The following MATR3 variants were observed in gnomAD, a reference collection of about 807,000 sequenced individuals.
MATR3 encodes the protein matrin-3.
MATR3 carries 4 observed loss-of-function variants against 85.5 expected under a neutral mutation model. That is an observed-to-expected ratio of 0.05 (90% CI 0.02 to 0.11). The LOEUF (loss-of-function observed/expected upper bound fraction) is 0.11. Among genes scored for constraint, MATR3 ranks in the 10% least tolerant of loss-of-function variants. The pLI is 1.00. For synonymous variants in MATR3, 336 were observed against 343.1 expected, an observed-to-expected ratio of 0.98 and a Z score of 0.23; for missense variants, 685 against 1,016.1, an observed-to-expected ratio of 0.67 and a Z score of 4.43.
intron 14 of MATR3, 101 bp from the exon 15 acceptor site, chr5:139,329,244 A>G: frequency 1.2e-6 from 1 of 824,326 alleles, no homozygotes; most frequent in South Asian, 1.4e-5. Context: ...ATTATAGTTT[A>G]AGTCCCTAAA....
chr5:139,294,043 A>G (rs1395046571), intron 1 of MATR3: 8 of 1,245,346 alleles, frequency 6.4e-6, no homozygotes, highest in Admixed American at 7.7e-5. Context: ...GCGGTCCGGG[A>G]GGGAAACACG....
intron 5 of MATR3, 129 bp downstream of exon 5, chr5:139,316,317 C>T (rs1755240231): frequency 2.9e-6 from 2 of 697,820 alleles, no homozygotes; most frequent in South Asian, 3.2e-5. Flanking sequence ...ACGATCTCGA[C>T]TCACTGCAAC....
chr5:139,323,913 A>G (rs1028817553), intron 12 of MATR3, among the ~76,000 whole-genome samples: 1 of 152,096 alleles, frequency 6.6e-6, no homozygotes, highest in Non-Finnish European at 1.5e-5. Flanking sequence ...AGTAGAGCGA[A>G]ATGAGATTTT....
intron 2 of MATR3, among the ~76,000 whole-genome samples, chr5:139,276,856 T>C (rs555188338): frequency 2.0e-5 from 3 of 152,258 alleles, no homozygotes; most frequent in African/African-American, 4.8e-5. Context: ...TAGGGAAACA[T>C]TGATGGTAAT....
intron 2 of MATR3, chr5:139,310,366 T>A (rs2151966786): frequency 6.6e-6 from 1 of 152,332 alleles, no homozygotes; most frequent in Non-Finnish European, 1.5e-5. Flanking sequence ...ATGTGTAAAT[T>A]GGACCAACTT....
chr5:139,319,888 T>TTTTA (rs1425336363), intron 9 of MATR3, among the ~76,000 whole-genome samples: 2 of 106,380 alleles, frequency 1.9e-5, no homozygotes, highest in African/African-American at 4.6e-5. Context: ...TTTTTTTTTT[T>TTTTA]AAAGTATATC....
At chr5:139,316,872 T>G (rs536095360) in intron 5 of MATR3, among the ~76,000 whole-genome samples, 181 bp from the exon 6 acceptor site, 1 of 152,254 alleles carries the variant, frequency 6.6e-6, no homozygotes, top group African/African-American at 2.4e-5. Flanking sequence ...AGGCAATGAT[T>G]ATAGGTGAAA....
chr5:139,276,677 A>G (rs1200533965), intron 2 of MATR3, among the ~76,000 whole-genome samples: 3 of 152,158 alleles, frequency 2.0e-5, no homozygotes, highest in Non-Finnish European at 4.4e-5. Flanking sequence ...GGGGGTTGGT[A>G]AAAATAGACG....
chr5:139,303,591 G>A (rs541194008), intron 1 of MATR3, among the ~76,000 whole-genome samples: 61 of 152,162 alleles, frequency 4.0e-4, no homozygotes, highest in Middle Eastern at 3.4e-3. Flanking sequence ...AAAACTAGCC[G>A]AGCATGGTGG....
intron 3 of MATR3, among the ~76,000 whole-genome samples, chr5:139,288,062 A>G (rs1001322305): frequency 5.3e-5 from 8 of 151,940 alleles, no homozygotes; most frequent in African/African-American, 1.9e-4. Context: ...AATACCAAAA[A>G]AAAATTAGCT....
At chr5:139,295,437 C>T (rs1754095483) in intron 1 of MATR3, among the ~76,000 whole-genome samples, 1 of 152,194 alleles carries the variant, frequency 6.6e-6, no homozygotes, top group Admixed American at 6.5e-5. Flanking sequence ...TCTTCCTTTG[C>T]ACTTAACAGT....
chr5:139,311,544 C>T (rs146420565), intron 2 of MATR3: 245 of 152,144 alleles, frequency 1.6e-3, no homozygotes, highest in African/African-American at 5.6e-3. Flanking sequence ...CACACTTTTC[C>T]CCTAAGTTTG....
chr5:139,328,445 T>C (rs896891912), intron 14 of MATR3, among the ~76,000 whole-genome samples: 16 of 152,188 alleles, frequency 1.1e-4, no homozygotes, highest in African/African-American at 3.9e-4. Context: ...ATTAGTGTCT[T>C]AATGGAGCTC....
chr5:139,302,285 T>TGAGATGAGATTGTGC, intron 1 of MATR3, among the ~76,000 whole-genome samples: 1 of 152,138 alleles, frequency 6.6e-6, no homozygotes, highest in Non-Finnish European at 1.5e-5. Context: ...CTTAAGCCAC[T>TGAGATGAGATTGTGC]CAAGGTACAT....
chr5:139,286,818 C>T (rs930645348), intron 3 of MATR3, among the ~76,000 whole-genome samples: 3 of 147,194 alleles, frequency 2.0e-5, no homozygotes, highest in Admixed American at 6.9e-5. Context: ...TACTCCAGCC[C>T]GGGCAAGAGA....
At chr5:139,278,648 T>TA (rs1753390809) in intron 2 of MATR3, 1 of 371,908 alleles carries the variant, frequency 2.7e-6, no homozygotes, top group South Asian at 2.0e-5. Flanking sequence ...GGATTCCTGT[T>TA]AAAGGGTTTG....
At chr5:139,323,881 G>C (rs937618589) in intron 12 of MATR3, among the ~76,000 whole-genome samples, 8 of 151,656 alleles carry the variant, frequency 5.3e-5, no homozygotes, top group Admixed American at 6.6e-5. Context: ...ACAAGAGCAA[G>C]ACTGTCTCAA....
At chr5:139,305,567 C>G (rs548638343) in intron 1 of MATR3, among the ~76,000 whole-genome samples, 90 of 152,224 alleles carry the variant, frequency 5.9e-4, no homozygotes, top group African/African-American at 2.1e-3. Flanking sequence ...GAGGGTCCAC[C>G]ACCATTTACA....
intron 1 of MATR3, chr5:139,294,224 G>A: frequency 4.6e-6 from 2 of 437,008 alleles, no homozygotes; most frequent in East Asian, 3.5e-5. Context: ...GAGGCCTGAG[G>A]GACAGACTGT....
Sources: allele counts gnomAD v4.1 joint callset (sites outside exome capture counted in the v4.1 genomes callset), GRCh38; gene constraint gnomAD v4.1.1; transcripts MANE v1.5; gene names NCBI Gene and HGNC (gene_info 2026-07-23, HGNC 2026-07-21).